KBTBD11: variants seen among roughly 807,000 people sequenced by gnomAD.
The protein encoded by KBTBD11 is kelch repeat and BTB domain containing 11, also known as kelch repeat and BTB domain-containing protein 11.
For synonymous variants in KBTBD11, 747 were observed against 499.0 expected (o/e 1.50, Z -6.63); for missense variants, 1,390 against 1,001.8 (o/e 1.39, Z -5.23).
chr8:1,978,169 C>T (rs9657381), intron 1 of KBTBD11, among the ~76,000 whole-genome samples: 92,255 of 152,078 alleles, frequency 0.61, 28,597 homozygotes, highest in East Asian at 0.81. Flanking sequence ...CCTCTACAGG[C>T]CCCAGTGTGT....
intron 1 of KBTBD11, chr8:1,974,684 C>CG: frequency 3.0e-6 from 3 of 985,408 alleles, no homozygotes; most frequent in Non-Finnish European, 3.6e-6. Flanking sequence ...GGGAGACCCC[C>CG]GGGCGGTCTG....
chr8:1,985,910 G>T (rs1370321337), intron 1 of KBTBD11, among the ~76,000 whole-genome samples: 1 of 152,216 alleles, frequency 6.6e-6, no homozygotes, highest in African/African-American at 2.4e-5. Context: ...TTCCCATTCA[G>T]TCTCAAGGTA....
intron 1 of KBTBD11, among the ~76,000 whole-genome samples, chr8:1,978,115 C>T (rs905761524): frequency 5.3e-5 from 8 of 152,238 alleles, no homozygotes; most frequent in African/African-American, 1.7e-4. Flanking sequence ...GGTATTAAGC[C>T]CAGCAGGCAT....
At chr8:1,982,121 T>TG (rs1233015855) in intron 1 of KBTBD11, among the ~76,000 whole-genome samples, 2 of 152,030 alleles carry the variant, frequency 1.3e-5, no homozygotes, top group Admixed American at 1.3e-4. Context: ...ATAAAATGGG[T>TG]GGGGGGCAGG....
intron 1 of KBTBD11, among the ~76,000 whole-genome samples, chr8:1,987,166 TCCTTC>T (rs1816732992): frequency 6.6e-6 from 1 of 152,198 alleles, no homozygotes; most frequent in Admixed American, 6.5e-5. Flanking sequence ...TCCATGCCTG[TCCTTC>T]CTCTCTCTGT....
intron 1 of KBTBD11, among the ~76,000 whole-genome samples, chr8:1,996,549 T>A (rs2129314764): frequency 6.6e-6 from 1 of 152,272 alleles, no homozygotes; most frequent in South Asian, 2.1e-4. Flanking sequence ...ATTACAGGCT[T>A]GAGCCACCGC....
chr8:2,006,611 C>T lies in KBTBD11; in HGVS notation c.*3547C>T, dbSNP rs773061529. ...CTGGACTGTGCAGCCTTCGGGCACC[C>T]GGCACAGACACTGTGCTGGCAGGAG... On this transcript the variant is annotated 3_prime_UTR_variant, in exon 2 of 2. Transcript: ENST00000320248. 1.6e-4 allele frequency: 27 copies of T among 167,076 alleles called. 1 individual carries two copies. The highest frequency in any genetic ancestry group is 1.8e-4 in the Non-Finnish European group (12 of 68,132). The allele number at this position is 167,076 out of a possible 1,614,324, so 10.3% of individuals were successfully genotyped here.
In KBTBD11 at chr8:2,002,063, G is replaced by C. The variant is rs1351857393; in HGVS notation, c.871G>C (p.Ala291Pro). 3.5e-6 allele frequency: 4 copies of C among 1,154,000 alleles called. No individual in the cohort carries two copies. The highest frequency in any genetic ancestry group is 4.3e-6 in the Non-Finnish European group (4 of 940,882). The allele number at this position is 1,154,000 out of a possible 1,614,324, so 71.5% of individuals were successfully genotyped here. A position where few individuals can be genotyped will look rare whatever the true frequency, so the allele number is the denominator to read the frequency against. Residue 291 changes from alanine to proline, a missense_variant, in exon 2 of 2, where the codon GCC becomes CCC. Transcript: ENST00000320248. The surrounding 1 kb of genome is among the most constrained non-coding windows in gnomAD (Gnocchi z 4.1). ...RDLLLRRRLR[A>P]GRAHLLAAAL... is the part of the protein sequence containing the mutation. ...CCTGCTGCTGCGCCGCCGCCTGCGC[G>C]CCGGCCGCGCCCACCTCTTGGCCGC... is the stretch of plus-strand genomic sequence containing the variant.
chr8:2,003,450 T>C lies in KBTBD11; in HGVS notation c.*386T>C, dbSNP rs1306766294. ...TGCGCAGGAGCCTGGGACCCTCAAG[T>C]AGGTCGCCGCGAACTATCGGGGGAA... On this transcript the variant is annotated 3_prime_UTR_variant, in exon 2 of 2. Coordinates refer to ENST00000320248, the MANE Select transcript of KBTBD11 (RefSeq NM_014867.3). The C allele has an allele frequency of 5.1e-6, 1 of 196,606 alleles. No homozygotes were observed. The highest frequency in any genetic ancestry group is 1.3e-4 in the East Asian group (1 of 7,446). 12.2% of individuals were successfully genotyped at this position (196,606 alleles called of 1,614,324 possible).
Position 2,002,578 on chromosome 8 carries a change from C to T in KBTBD11, c.1386C>T (p.Ser462=), listed in dbSNP as rs149678506. Residue 462 remains serine (S), a synonymous_variant, in exon 2 of 2, where the codon TCC becomes TCT. Coordinates refer to ENST00000320248, the MANE Select transcript of KBTBD11 (RefSeq NM_014867.3). The surrounding 1 kb of genome is among the most constrained non-coding windows in gnomAD (Gnocchi z 4.1). ...CCTGCCACGGCGAGATCTACGTGTC[C>T]GGGGGCTCCCTCTTCTATCGCCTGC... ...ATTCHGEIYV[S]GGSLFYRLLK... 15 of 1,582,078 alleles carry T rather than the reference C, an allele frequency of 9.5e-6. No homozygotes were observed. In the African/African-American group the frequency reaches 1.2e-4, roughly 13 times the overall value.
Position 2,003,395 on chromosome 8 carries a change from T to G in KBTBD11, c.*331T>G. 12 of 235,812 alleles carry G rather than the reference T, an allele frequency of 5.1e-5. No individual in the cohort carries two copies. The highest frequency in any genetic ancestry group is 2.7e-4 in the East Asian group (3 of 11,240). 14.6% of individuals were successfully genotyped at this position (235,812 alleles called of 1,614,324 possible). On this transcript the variant is annotated 3_prime_UTR_variant, in exon 2 of 2. Transcript: ENST00000320248. ...AGGCAGCCTGCAGCCGGCCCCGGGG[T>G]GTCCCGAACCCCGCAGAGCACCGAG...
chr8:1,983,224 G>C (rs10110902), intron 1 of KBTBD11, among the ~76,000 whole-genome samples: 52,222 of 152,046 alleles, frequency 0.34, 9,794 homozygotes, highest in East Asian at 0.61. Context: ...TGTGTCCCCA[G>C]TGAATCCTGC....
rs990121558 is a variant in KBTBD11 at position 2,006,840 on chromosome 8, T to C, written c.*3776T>C. ...TCTGTGTAGTTAATGTATTTATTAA[T>C]GCTTGACTTTTAAAATCCTGGGCAT... On this transcript the variant is annotated 3_prime_UTR_variant, in exon 2 of 2. Transcript: ENST00000320248. 1.8e-5 allele frequency: 3 copies of C among 167,106 alleles called. No individual in the cohort carries two copies. The highest frequency in any genetic ancestry group is 7.2e-5 in the African/African-American group (3 of 41,484). 10.4% of individuals were successfully genotyped at this position (167,106 alleles called of 1,614,324 possible).
At position 2,002,965 on chromosome 8, in the gene KBTBD11, C is replaced by T. The variant is rs1212790892; in HGVS notation, c.1773C>T (p.Phe591=). Residue 591 remains phenylalanine, a synonymous_variant, in exon 2 of 2, where the codon TTC becomes TTT. Coordinates refer to ENST00000320248, the MANE Select transcript of KBTBD11 (RefSeq NM_014867.3). This position sits in a 1 kb window ranked among gnomAD's most constrained non-coding sequence, Gnocchi z 4.1. The part of the protein sequence containing the change: ...AGGDAGQGGG[F]EALGAPLDVR... ...GCGACGCAGGCCAGGGCGGCGGCTTCGAGGCGCTGGGCGCCCCCTTGGACG... is the reference window on the plus strand; with the variant it reads ...GCGACGCAGGCCAGGGCGGCGGCTTTGAGGCGCTGGGCGCCCCCTTGGACG... The T allele has an allele frequency of 2.4e-5, 31 of 1,314,274 alleles. No homozygotes were observed. The East Asian group carries it at 7.2e-4, about 31-fold the overall frequency. The allele number at this position is 1,314,274 out of a possible 1,614,324, so 81.4% of individuals were successfully genotyped here.
At chr8:1,977,580 G>A (rs1490770078) in intron 1 of KBTBD11, among the ~76,000 whole-genome samples, 1 of 152,260 alleles carries the variant, frequency 6.6e-6, no homozygotes, top group East Asian at 1.9e-4. Flanking sequence ...CTGGAATCCA[G>A]TGGCACCATG....
intron 1 of KBTBD11, among the ~76,000 whole-genome samples, chr8:1,979,577 C>T (rs542603785): frequency 2.1e-4 from 32 of 152,264 alleles, no homozygotes; most frequent in African/African-American, 7.0e-4. Flanking sequence ...TGCAGTGAGC[C>T]GAGATTGCGC....
intron 1 of KBTBD11, chr8:1,974,358 C>T (rs1816246983): frequency 1.0e-6 from 1 of 984,680 alleles, no homozygotes; most frequent in Non-Finnish European, 1.2e-6. Context: ...GTCCCGCCGC[C>T]CCAGCCGGCA....
chr8:1,990,185 T>G (rs73184745), intron 1 of KBTBD11, among the ~76,000 whole-genome samples: 13,761 of 152,056 alleles, frequency 0.09, 761 homozygotes, highest in Non-Finnish European at 0.13. Flanking sequence ...CCTGTCTGGG[T>G]AGATGCTGGG....
intron 1 of KBTBD11, among the ~76,000 whole-genome samples, chr8:1,993,333 T>C (rs1289466425): frequency 6.6e-6 from 1 of 151,676 alleles, no homozygotes; most frequent in Non-Finnish European, 1.5e-5. Context: ...ATCCATCCAG[T>C]CGCCCATCTT....
Sources: allele counts gnomAD v4.1 joint callset (sites outside exome capture counted in the v4.1 genomes callset), GRCh38; gene constraint gnomAD v4.1.1; non-coding constraint Gnocchi (gnomAD v3.1); transcripts MANE v1.5; gene names NCBI Gene and HGNC (gene_info 2026-07-23, HGNC 2026-07-21).